PPP1R12B: variants seen among roughly 807,000 people sequenced by gnomAD.
PPP1R12B encodes the protein protein phosphatase 1 regulatory subunit 12B, also known as myosin phosphatase target subunit 2.
A neutral mutation model predicts 126.1 loss-of-function variants in PPP1R12B; 76 were observed. That is an observed-to-expected ratio of 0.60 (90% CI 0.50 to 0.73). The LOEUF is 0.73. Among genes scored for constraint, PPP1R12B ranks in the 30% least tolerant of loss-of-function variants. The pLI, the probability that PPP1R12B is intolerant of heterozygous loss-of-function variation, is 0.00. For missense variants in PPP1R12B, 1,052 were observed against 1,205.1 expected (o/e 0.87, Z 1.88); for synonymous variants, 356 against 434.7 (o/e 0.82, Z 2.25).
chr1:202,462,924 C>T, intron 13 of PPP1R12B: 2 of 985,352 alleles, frequency 2.0e-6, no homozygotes, highest in Non-Finnish European at 1.2e-6. Flanking sequence ...AATAGAGTTC[C>T]TTGCCATTCC....
At chr1:202,515,285 CTAAAA>C (rs1031445590) in intron 18 of PPP1R12B, among the ~76,000 whole-genome samples, 15 of 135,548 alleles carry the variant, frequency 1.1e-4, no homozygotes, top group Non-Finnish European at 1.5e-4. Context: ...ACCCCAGAAC[CTAAAA>C]TAAAAGTGTT....
rs111697917 is a variant in PPP1R12B, at chr1:202,588,872, T to TAGATAGATAGATA, written c.*8313_*8314insGATAGATAGATAA. The TAGATAGATAGATA allele has an allele frequency of 3.8e-3, 559 of 147,074 alleles. No individual in the cohort carries two copies. Among genetic ancestry groups the TAGATAGATAGATA allele is most frequent in the African/African-American group, 7.7e-3 (291 of 37,916 alleles). 9.1% of individuals were successfully genotyped at this position (147,074 alleles called of 1,614,324 possible). A position where few individuals can be genotyped will look rare whatever the true frequency, so the allele number is the denominator to read the frequency against. Reference sequence around the variant, plus strand: ...ATAGATAGATAGATAGATAGATAGATATCAAGGTTCCAAGCTTCAAGTAAC... The same window carrying TAGATAGATAGATA: ...ATAGATAGATAGATAGATAGATAGATAGATAGATAGATAATCAAGGTTCCAAGCTTCAAGTAAC... On this transcript the variant is annotated 3_prime_UTR_variant, in exon 24 of 24. Transcript: ENST00000608999.
intron 13 of PPP1R12B, among the ~76,000 whole-genome samples, chr1:202,462,302 A>G (rs1674407844): frequency 6.6e-6 from 1 of 151,860 alleles, no homozygotes; most frequent in East Asian, 1.9e-4. Flanking sequence ...AAAAGAGTCT[A>G]TTTTCTTTTT....
chr1:202,387,798 C>T (rs1347454190), intron 1 of PPP1R12B, among the ~76,000 whole-genome samples: 4 of 152,056 alleles, frequency 2.6e-5, no homozygotes, highest in African/African-American at 9.7e-5. Flanking sequence ...GAAGTTTAAT[C>T]TAGTGTCGTA....
chr1:202,452,681 T>C (rs186413880), intron 13 of PPP1R12B, among the ~76,000 whole-genome samples: 6 of 152,374 alleles, frequency 3.9e-5, no homozygotes, highest in African/African-American at 1.4e-4. Context: ...GACTTTTGTA[T>C]GTTGATTTTG....
At chr1:202,376,895 G>A (rs1298056208) in intron 1 of PPP1R12B, among the ~76,000 whole-genome samples, 1 of 152,160 alleles carries the variant, frequency 6.6e-6, no homozygotes, top group Non-Finnish European at 1.5e-5. Flanking sequence ...CTGAGGCCAC[G>A]TGCGGCCCAG....
intron 22 of PPP1R12B, among the ~76,000 whole-genome samples, chr1:202,568,370 G>A (rs983255515): frequency 4.6e-5 from 7 of 152,146 alleles, no homozygotes; most frequent in Non-Finnish European, 1.5e-5. Flanking sequence ...ACTGTACTCA[G>A]AATATTATTC....
chr1:202,422,763 C>T, intron 3 of PPP1R12B, 25 bp downstream of exon 3: 1 of 1,612,558 alleles, frequency 6.2e-7, no homozygotes, highest in South Asian at 1.1e-5. Context: ...TGGAGGGGGC[C>T]AGGAAAGATT....
chr1:202,398,339 A>G (rs1056675693), intron 1 of PPP1R12B, among the ~76,000 whole-genome samples: 1 of 152,246 alleles, frequency 6.6e-6, no homozygotes, highest in Middle Eastern at 3.2e-3. Context: ...CATATGTGAC[A>G]TTAACTTAGA....
chr1:202,439,200 C>A, intron 10 of PPP1R12B: 2 of 1,478,744 alleles, frequency 1.4e-6, no homozygotes, highest in Non-Finnish European at 1.9e-6. Flanking sequence ...CACTACTGCG[C>A]AGCCCTGTGC....
chr1:202,502,672 A>C (rs1355745871), intron 18 of PPP1R12B: 1 of 181,296 alleles, frequency 5.5e-6, no homozygotes, highest in Non-Finnish European at 1.1e-5. Context: ...CTATGGAAAA[A>C]CCATATAGAG....
intron 10 of PPP1R12B, among the ~76,000 whole-genome samples, 179 bp from the exon 11 acceptor site, chr1:202,440,527 G>T (rs1671468395): frequency 6.6e-6 from 1 of 152,154 alleles, no homozygotes; most frequent in Non-Finnish European, 1.5e-5. Context: ...TTTAATGGAA[G>T]AAAGTTAGGA....
intron 12 of PPP1R12B, among the ~76,000 whole-genome samples, chr1:202,446,473 A>G (rs1197403055): frequency 6.7e-6 from 1 of 148,450 alleles, no homozygotes; most frequent in African/African-American, 2.5e-5. Context: ...CAGGATGAGG[A>G]TGATCTCTAT....
chr1:202,403,205 C>T (rs938402016), intron 1 of PPP1R12B, among the ~76,000 whole-genome samples: 1 of 152,192 alleles, frequency 6.6e-6, no homozygotes, highest in Non-Finnish European at 1.5e-5. Context: ...AAGAAGGCAG[C>T]TGCCACTCAA....
At chr1:202,413,600 T>G (rs1361706587) in intron 1 of PPP1R12B, among the ~76,000 whole-genome samples, 1 of 152,224 alleles carries the variant, frequency 6.6e-6, no homozygotes, top group African/African-American at 2.4e-5. Flanking sequence ...TTGTTTGTAT[T>G]GATTATTATA....
At chr1:202,495,866 T>C (rs1458526862) in intron 17 of PPP1R12B, among the ~76,000 whole-genome samples, 184 bp downstream of exon 17, 1 of 152,216 alleles carries the variant, frequency 6.6e-6, no homozygotes, top group African/African-American at 2.4e-5. Flanking sequence ...TCCTGCTAGA[T>C]TCCCAGTATC....
At chr1:202,431,426 A>G in intron 7 of PPP1R12B, 54 bp from the exon 8 acceptor site, 1 of 1,466,456 alleles carries the variant, frequency 6.8e-7, no homozygotes, top group Non-Finnish European at 9.2e-7. Flanking sequence ...TGTTCCCTTT[A>G]TTATACCTGA....
intron 18 of PPP1R12B, among the ~76,000 whole-genome samples, chr1:202,557,901 G>A (rs1457370078): frequency 6.6e-6 from 1 of 152,154 alleles, no homozygotes; most frequent in Admixed American, 6.5e-5. Context: ...GTGTTGGGTT[G>A]TCCTGCTATG....
rs1307507316 is a variant in PPP1R12B, at chr1:202,505,844, G to C, written c.2490+9022G>C. On this transcript the variant is annotated intron_variant, in intron 18 of 23. Coordinates refer to ENST00000608999, the MANE Select transcript of PPP1R12B (RefSeq NM_002481.4). Reference sequence around the variant, plus strand: ...ATATAGATTTTTCTCCTCTTAACCTGTTTAGGCAGATTTTTTTTTTTAAAA... The same window carrying C: ...ATATAGATTTTTCTCCTCTTAACCTCTTTAGGCAGATTTTTTTTTTTAAAA... Among the ~76,000 whole-genome samples, 4 of 151,766 alleles carry C rather than the reference G, an allele frequency of 2.6e-5. No homozygotes were observed. In the East Asian group the frequency reaches 7.7e-4, roughly 29 times the overall value.
Sources: allele counts gnomAD v4.1 joint callset (sites outside exome capture counted in the v4.1 genomes callset), GRCh38; gene constraint gnomAD v4.1.1; transcripts MANE v1.5; gene names NCBI Gene and HGNC (gene_info 2026-07-23, HGNC 2026-07-21).